Variants in PSME4 observed in about 807,000 individuals in gnomAD.
PSME4 encodes proteasome activator complex subunit 4.
A neutral mutation model predicts 253.9 loss-of-function variants in PSME4; 89 were observed. That is an observed-to-expected ratio of 0.35 (90% CI 0.30 to 0.42). PSME4 has a LOEUF of 0.42. Among genes scored for constraint, PSME4 ranks in the 10% least tolerant of loss-of-function variants. The pLI, the probability that PSME4 is intolerant of heterozygous loss-of-function variation, is 1.00. For synonymous variants in PSME4, 851 were observed against 759.2 expected (o/e 1.12, Z -1.99); for missense variants, 2,014 against 2,195.2 (o/e 0.92, Z 1.65).
Position 53,925,637 on chromosome 2 carries a change from C to T in PSME4, c.1711G>A (p.Glu571Lys), listed in dbSNP as rs745745698. ...STLEQTREET[E>K]TEKMTHLESL... is the part of the protein sequence containing the mutation. ...TCCAAGTGTGTCATTTTCTCAGTTT[C>T]TGTCTCTTCTCTTGTTTGCTCCAAT... Residue 571 changes from glutamate to lysine, a missense_variant, in exon 14 of 47, where the codon GAA becomes AAA. Glu to Lys is a moderately conservative substitution (Grantham distance 56). Coordinates refer to ENST00000404125, the MANE Select transcript of PSME4 (RefSeq NM_014614.3). 9.3e-6 allele frequency: 15 copies of T among 1,611,110 alleles called. No individual in the cohort carries two copies. Among genetic ancestry groups the T allele is most frequent in the Non-Finnish European group, 1.7e-6 (2 of 1,177,570 alleles).
At position 53,923,249 on chromosome 2, in the gene PSME4, C is replaced by G. The variant is rs926475941; in HGVS notation, c.1908+72G>C. 9.3e-6 allele frequency: 14 copies of G among 1,501,476 alleles called. No homozygotes were observed. In the South Asian group the frequency reaches 1.8e-4, roughly 19 times the overall value. The allele number at this position is 1,501,476 out of a possible 1,614,324, so 93.0% of individuals were successfully genotyped here. A position where few individuals can be genotyped will look rare whatever the true frequency, so the allele number is the denominator to read the frequency against. On this transcript the variant is annotated intron_variant, in intron 15 of 46. Transcript: ENST00000404125. Reference sequence around the variant, plus strand: ...CTATGCATTTTAAGCATAGAAGCACCTCTAATAATTAACCATATAAACTAG... The same window carrying G: ...CTATGCATTTTAAGCATAGAAGCACGTCTAATAATTAACCATATAAACTAG...
chr2:53,897,167 GT>G (rs1056577962), intron 31 of PSME4, among the ~76,000 whole-genome samples: 15,010 of 122,070 alleles, frequency 0.12, 620 homozygotes, highest in African/African-American at 0.2. Flanking sequence ...TAGCCTCAGG[GT>G]TTTTTTTTTT....
At chr2:53,887,117 G>C in intron 40 of PSME4, 142 bp downstream of exon 40, 2 of 697,254 alleles carry the variant, frequency 2.9e-6, no homozygotes, top group East Asian at 2.7e-5. Context: ...TAATGCCACT[G>C]AACTGTACAC....
intron 8 of PSME4, among the ~76,000 whole-genome samples, chr2:53,934,253 T>C (rs1669000758): frequency 1.3e-5 from 2 of 152,162 alleles, no homozygotes; most frequent in African/African-American, 2.4e-5. Flanking sequence ...ATATTAACAG[T>C]GAGTAAGTAA....
intron 3 of PSME4, among the ~76,000 whole-genome samples, chr2:53,946,715 G>A (rs1669725819): frequency 6.6e-6 from 1 of 152,166 alleles, no homozygotes; most frequent in African/African-American, 2.4e-5. Context: ...GGGCAACACA[G>A]TGAGACCCTG....
chr2:53,925,791 AG>A, intron 13 of PSME4, 102 bp from the exon 14 acceptor site: 1 of 1,289,766 alleles, frequency 7.8e-7, no homozygotes, highest in South Asian at 1.4e-5. Context: ...TTCAAGTGAT[AG>A]CTACTTAATT....
intron 3 of PSME4, chr2:53,942,264 C>G (rs1306233717): frequency 6.6e-6 from 1 of 152,406 alleles, no homozygotes; most frequent in African/African-American, 2.4e-5. Flanking sequence ...CTAGATGCTA[C>G]TAGACTACAT....
chr2:53,928,806 A>T (rs2104457401), intron 10 of PSME4, among the ~76,000 whole-genome samples: 1 of 152,290 alleles, frequency 6.6e-6, no homozygotes, highest in Middle Eastern at 3.4e-3. Context: ...TTTATTGCAC[A>T]TGTCCCCAAT....
intron 9 of PSME4, among the ~76,000 whole-genome samples, 189 bp downstream of exon 9, chr2:53,932,479 C>T (rs1320655575): frequency 6.6e-6 from 1 of 152,042 alleles, no homozygotes; most frequent in Non-Finnish European, 1.5e-5. Flanking sequence ...TCAACAGTTA[C>T]CACATCAATA....
intron 1 of PSME4, among the ~76,000 whole-genome samples, chr2:53,962,779 G>A (rs559696155): frequency 6.6e-6 from 1 of 152,162 alleles, no homozygotes; most frequent in Admixed American, 6.5e-5. Flanking sequence ...TTGGGAGGCT[G>A]AGGCAGGCGG....
intron 17 of PSME4, among the ~76,000 whole-genome samples, chr2:53,921,795 G>C (rs1421030273): frequency 2.1e-5 from 3 of 141,244 alleles, no homozygotes; most frequent in Non-Finnish European, 4.6e-5. Context: ...GTGAACCCGG[G>C]AGGCGGAGCT....
intron 39 of PSME4, 66 bp downstream of exon 39, chr2:53,887,792 T>TTA: frequency 6.8e-7 from 1 of 1,470,162 alleles, no homozygotes; most frequent in South Asian, 1.3e-5. Flanking sequence ...TATTATTACC[T>TTA]ATTACAATTT....
intron 1 of PSME4, among the ~76,000 whole-genome samples, chr2:53,968,111 A>G (rs754275735): frequency 2.0e-5 from 3 of 151,800 alleles, no homozygotes; most frequent in Non-Finnish European, 2.9e-5. Flanking sequence ...TGTCTCTACT[A>G]AAAATACAAA....
At chr2:53,867,200 A>C (rs1452280598) in intron 44 of PSME4, among the ~76,000 whole-genome samples, 1 of 152,172 alleles carries the variant, frequency 6.6e-6, no homozygotes, top group East Asian at 1.9e-4. Flanking sequence ...CTCTCCAAAA[A>C]TAATTTTTAA....
At chr2:53,924,624 C>CT (rs566648170) in intron 14 of PSME4, among the ~76,000 whole-genome samples, 1 of 151,524 alleles carries the variant, frequency 6.6e-6, no homozygotes, top group Non-Finnish European at 1.5e-5. Flanking sequence ...ACAGTTGTTT[C>CT]TTTTTTTTAT....
At chr2:53,909,949 G>C in intron 21 of PSME4, 126 bp downstream of exon 21, 1 of 853,192 alleles carries the variant, frequency 1.2e-6, no homozygotes, top group East Asian at 2.5e-5. Flanking sequence ...CAGCCTGGGA[G>C]ACAGAGTGAG....
chr2:53,928,094 T>C, intron 11 of PSME4, 23 bp downstream of exon 11: 1 of 1,573,110 alleles, frequency 6.4e-7, no homozygotes, highest in Non-Finnish European at 8.7e-7. Context: ...AAATACGGAG[T>C]GTATAATCAC....
intron 43 of PSME4, among the ~76,000 whole-genome samples, chr2:53,871,606 C>T (rs1678880451): frequency 6.6e-6 from 1 of 152,162 alleles, no homozygotes; most frequent in Admixed American, 6.5e-5. Context: ...CAGATCTGTG[C>T]ATGTTTTGAT....
intron 44 of PSME4, 95 bp downstream of exon 44, chr2:53,869,281 C>A: frequency 8.1e-7 from 1 of 1,235,294 alleles, no homozygotes; most frequent in South Asian, 2.1e-5. Flanking sequence ...TAGACCTGGG[C>A]ACATACATAC....
Sources: gnomAD v4.1 joint callset for allele counts (sites outside exome capture counted in the v4.1 genomes callset) on GRCh38, gnomAD v4.1.1 for gene constraint, MANE v1.5 for transcripts, NCBI Gene and HGNC (gene_info 2026-07-23, HGNC 2026-07-21) for gene names.